Variants in PARVG observed in about 807,000 individuals in gnomAD.
The protein encoded by PARVG is gamma-parvin.
In PARVG, 36 loss-of-function variants were observed where a neutral mutation model predicts 44.4. The ratio of observed to expected loss-of-function variants is 0.81; its 90% CI spans 0.62 to 1.07. The LOEUF is 1.07. Among genes scored for constraint, PARVG ranks in the 50% least tolerant of loss-of-function variants. PARVG has a pLI of 0.00. For synonymous variants in PARVG, 170 were observed against 174.1 expected (o/e 0.98, Z 0.19); for missense variants, 407 against 407.4 (o/e 1.00, Z 0.01).
intron 12 of PARVG, among the ~76,000 whole-genome samples, chr22:44,201,867 C>T (rs139162): frequency 0.18 from 27,569 of 152,184 alleles, 2,730 homozygotes; most frequent in Non-Finnish European, 0.21. Flanking sequence ...GGCCCGGGCA[C>T]GCTTTCCTCC....
intron 9 of PARVG, among the ~76,000 whole-genome samples, chr22:44,194,857 C>T (rs2054598267): frequency 6.6e-6 from 1 of 152,140 alleles, no homozygotes; most frequent in Admixed American, 6.5e-5. Flanking sequence ...ATCCATCCAT[C>T]CACCCACACA....
rs549761506 is a variant in PARVG at position 44,199,882 on chromosome 22, T to A, written c.813+1160T>A. On this transcript the variant is annotated intron_variant, in intron 12 of 13. Coordinates refer to ENST00000444313, the MANE Select transcript of PARVG (RefSeq NM_022141.7). The stretch of plus-strand genomic sequence containing the variant: ...AAGGGTGGGGCCTGACCTGGGGGGA[T>A]CAGCAGTTCCCACGTGGACCCTAGA... Among the ~76,000 whole-genome samples the A allele has an allele frequency of 6.6e-5, 10 of 152,196 alleles. No individual in the cohort carries two copies. The East Asian group carries it at 1.9e-3, about 29-fold the overall frequency.
At chr22:44,191,901 C>T in intron 7 of PARVG, 148 bp from the exon 8 acceptor site, 1 of 865,914 alleles carries the variant, frequency 1.2e-6, no homozygotes, top group Non-Finnish European at 1.8e-6. Flanking sequence ...CAGACACATC[C>T]CCAACCTCAA....
Position 44,206,619 on chromosome 22 carries a change from G to T in PARVG, c.*193G>T. The T allele has an allele frequency of 1.7e-6, 1 of 592,908 alleles. No individual in the cohort carries two copies. Among genetic ancestry groups the T allele is most frequent in the South Asian group, 2.0e-5 (1 of 48,894 alleles). The allele number at this position is 592,908 out of a possible 1,614,324, so 36.7% of individuals were successfully genotyped here. On this transcript the variant is annotated 3_prime_UTR_variant, in exon 14 of 14. Transcript: ENST00000444313. The stretch of plus-strand genomic sequence containing the variant: ...GGATCATTTTGAGCCGCCTGGCCTT[G>T]CTCAGTTTATTTTAATAAAAGTATT...
Position 44,205,821 on chromosome 22 carries a change from G to A in PARVG, c.878G>A (p.Ser293Asn). 1 of 1,613,214 alleles carries A rather than the reference G, an allele frequency of 6.2e-7. No individual in the cohort carries two copies. The highest frequency in any genetic ancestry group is 8.5e-7 in the Non-Finnish European group (1 of 1,179,942). The change falls in exon 13 of 14, where the codon AGC (serine) becomes AAC (asparagine). Residue 293 changes from serine (S) to asparagine (N), a missense_variant. By Grantham distance (46) the Ser-to-Asn change is conservative. Coordinates refer to ENST00000444313, the MANE Select transcript of PARVG (RefSeq NM_022141.7). The stretch of plus-strand genomic sequence containing the variant: ...GAGGGCCTGCTCAGCTGCCCTGTCA[G>A]CCCTGAAGGTGAGTGCAAGGCAGAT... ...KDEGLLSCPV[S>N]PEDIVNKDAK... is the part of the protein sequence containing the mutation.
intron 3 of PARVG, 34 bp downstream of exon 3, chr22:44,183,442 GA>G: frequency 6.5e-7 from 1 of 1,548,116 alleles, no homozygotes; most frequent in Non-Finnish European, 8.7e-7. Flanking sequence ...GGTGGAGGGT[GA>G]AGGTCTGTGT....
chr22:44,193,375 G>A (rs1291812886), intron 8 of PARVG, among the ~76,000 whole-genome samples: 1 of 152,214 alleles, frequency 6.6e-6, no homozygotes, highest in African/African-American at 2.4e-5. Flanking sequence ...GCTGTGGTCA[G>A]CGTAGGGAGG....
At chr22:44,205,905 C>A in intron 13 of PARVG, 76 bp downstream of exon 13, 1 of 1,518,146 alleles carries the variant, frequency 6.6e-7, no homozygotes, top group Non-Finnish European at 9.0e-7. Context: ...GAACAGGGTG[C>A]AGGGCATTGG....
chr22:44,192,815 G>A (rs534275643), intron 8 of PARVG, among the ~76,000 whole-genome samples: 42 of 152,270 alleles, frequency 2.8e-4, no homozygotes, highest in African/African-American at 9.6e-5. Context: ...CTTGCTCCCC[G>A]CCCACTGGGA....
At chr22:44,186,952 G>T (rs753409933) in intron 4 of PARVG, 21 of 295,042 alleles carry the variant, frequency 7.1e-5, no homozygotes, top group Non-Finnish European at 1.4e-4. Flanking sequence ...CCTGAGAAAG[G>T]GCTGGGCCTT....
At chr22:44,186,023 A>T (rs950197766) in intron 4 of PARVG, 151 bp downstream of exon 4, 21 of 554,038 alleles carry the variant, frequency 3.8e-5, no homozygotes, top group Non-Finnish European at 6.8e-5. Flanking sequence ...GGCCTGTTGA[A>T]TGGAGCAAGT....
At chr22:44,198,768 C>A in intron 12 of PARVG, 46 bp downstream of exon 12, 1 of 1,412,754 alleles carries the variant, frequency 7.1e-7, no homozygotes, top group Non-Finnish European at 1.0e-6. Context: ...TCTAGGTGAA[C>A]AGATATACAG....
intron 6 of PARVG, among the ~76,000 whole-genome samples, chr22:44,190,065 T>C (rs2054527637): frequency 6.6e-6 from 1 of 152,192 alleles, no homozygotes; most frequent in African/African-American, 2.4e-5. Context: ...AAAGAAATTA[T>C]GCAGCTTCTC....
intron 7 of PARVG, among the ~76,000 whole-genome samples, chr22:44,191,159 C>G (rs960346810): frequency 6.6e-6 from 1 of 152,148 alleles, no homozygotes; most frequent in African/African-American, 2.4e-5. Flanking sequence ...GTCTAGCATG[C>G]GGCCTGCCTG....
intron 12 of PARVG, among the ~76,000 whole-genome samples, chr22:44,201,815 T>C (rs1385459199): frequency 6.6e-6 from 1 of 152,052 alleles, no homozygotes; most frequent in East Asian, 1.9e-4. Context: ...GTGGCTCGGC[T>C]CTGTGCCACA....
rs759200952 is a variant in PARVG, at chr22:44,187,910, T to TCGGCCCC, written c.247+33_247+39dup. 4.2e-5 allele frequency: 68 copies of TCGGCCCC among 1,608,142 alleles called. No individual in the cohort carries two copies. In the Admixed American group the frequency reaches 6.5e-4, roughly 15 times the overall value. ...GGCTGTTTCTGGGGCTGCCTGGGCC[T>TCGGCCCC]CGGCCCCATCCCCCTGACCTGGCCC... On this transcript the variant is annotated intron_variant, in intron 5 of 13. Transcript: ENST00000444313.
rs963731982 is a variant in PARVG, at chr22:44,206,509, G to T, written c.*83G>T. The T allele has an allele frequency of 1.4e-5, 17 of 1,240,798 alleles. No individual in the cohort carries two copies. Among genetic ancestry groups the T allele is most frequent in the Admixed American group, 9.0e-5 (5 of 55,460 alleles). 76.9% of individuals were successfully genotyped at this position (1,240,798 alleles called of 1,614,324 possible). On this transcript the variant is annotated 3_prime_UTR_variant, in exon 14 of 14. Transcript: ENST00000444313. ...CTGCAGGGTGTCCTCCCACAGTCCC[G>T]CTGTTTCCTGTGCATTCGTGACCCG...
At chr22:44,206,244 C>A (rs2054779195) in intron 13 of PARVG, 73 bp from the exon 14 acceptor site, 2 of 1,109,130 alleles carry the variant, frequency 1.8e-6, no homozygotes, top group South Asian at 1.3e-5. Context: ...GCCAGGAAAC[C>A]TTGACCACAT....
intron 1 of PARVG, 40 bp downstream of exon 1, chr22:44,181,225 C>A: frequency 1.6e-6 from 1 of 613,544 alleles, no homozygotes; most frequent in Non-Finnish European, 2.0e-6. Context: ...CACGCACAGC[C>A]TGGATTTTAT....
Sources: allele counts gnomAD v4.1 joint callset (sites outside exome capture counted in the v4.1 genomes callset), GRCh38; gene constraint gnomAD v4.1.1; transcripts MANE v1.5; gene names NCBI Gene and HGNC (gene_info 2026-07-23, HGNC 2026-07-21).